MRAP2: variants seen among roughly 807,000 people sequenced by gnomAD.
MRAP2 encodes the protein melanocortin-2 receptor accessory protein 2.
A neutral mutation model predicts 17.4 loss-of-function variants in MRAP2; 20 were observed. The observed-to-expected ratio is 1.15, with a 90% CI of 0.81 to 1.67. MRAP2 has a LOEUF of 1.67. MRAP2 is among the 40% of genes most tolerant of loss of function. MRAP2 has a pLI of 0.00. For missense variants in MRAP2, 238 were observed against 240.0 expected (o/e 0.99, Z 0.05); for synonymous variants, 96 against 88.4 (o/e 1.09, Z -0.48).
chr6:84,095,102 A>G (rs2099502445), downstream of MRAP2, among the ~76,000 whole-genome samples: 1 of 152,206 alleles, frequency 6.6e-6, no homozygotes. Context: ...TGGAGAAGCA[A>G]GGGCTCAAGG....
downstream of MRAP2, among the ~76,000 whole-genome samples, chr6:84,093,428 T>G (rs2099502126): frequency 6.6e-6 from 1 of 152,054 alleles, no homozygotes; most frequent in Non-Finnish European, 1.5e-5. Flanking sequence ...GACCCTAAAA[T>G]GAGGGTTCTA....
At chr6:84,137,242 G>T in the MRAP2 span, among the ~76,000 whole-genome samples, 4 of 152,138 alleles carry the variant, frequency 2.6e-5, no homozygotes, top group Non-Finnish European at 5.9e-5. Context: ...CTGTTTCCTG[G>T]CCTGTATCCA....
At chr6:84,054,544 C>A (rs1489555947) in intron 1 of MRAP2, among the ~76,000 whole-genome samples, 2 of 152,184 alleles carry the variant, frequency 1.3e-5, no homozygotes, top group African/African-American at 4.8e-5. Context: ...TTTCTTTATT[C>A]ACTCCATTTT....
At chr6:84,087,865 T>C (rs2099500889) in intron 3 of MRAP2, among the ~76,000 whole-genome samples, 1 of 152,194 alleles carries the variant, frequency 6.6e-6, no homozygotes, top group African/African-American at 2.4e-5. Context: ...AGGAGACAGA[T>C]CTGATATTAA....
chr6:84,144,752 G>C, the MRAP2 span, among the ~76,000 whole-genome samples: 1 of 152,078 alleles, frequency 6.6e-6, no homozygotes, highest in African/African-American at 2.4e-5. Flanking sequence ...ATTCTTTTTA[G>C]GGACTGTCTG....
the MRAP2 span, among the ~76,000 whole-genome samples, chr6:84,145,748 G>C: frequency 1.3e-5 from 2 of 152,068 alleles, no homozygotes; most frequent in African/African-American, 4.8e-5. Context: ...AAACTGCAGA[G>C]AGTCACCACA....
chr6:84,097,126 C>T, the MRAP2 span, among the ~76,000 whole-genome samples: 1 of 152,170 alleles, frequency 6.6e-6, no homozygotes, highest in Non-Finnish European at 1.5e-5. Flanking sequence ...AGCCACAGTC[C>T]TTATGATGAC....
chr6:84,069,614 A>T (rs1280193463), intron 3 of MRAP2, among the ~76,000 whole-genome samples: 1 of 152,166 alleles, frequency 6.6e-6, no homozygotes, highest in Non-Finnish European at 1.5e-5. Flanking sequence ...TCATAGAATA[A>T]ATTAAGGAGG....
At chr6:84,102,219 C>T in the MRAP2 span, among the ~76,000 whole-genome samples, 1 of 152,104 alleles carries the variant, frequency 6.6e-6, no homozygotes, top group African/African-American at 2.4e-5. Context: ...AATAATGCTA[C>T]CCACCACTCA....
chr6:84,135,708 C>T, the MRAP2 span, among the ~76,000 whole-genome samples: 12 of 152,046 alleles, frequency 7.9e-5, no homozygotes, highest in Non-Finnish European at 1.8e-4. Context: ...ACTAAAAACA[C>T]AAAAATTAGC....
chr6:84,112,795 A>G, the MRAP2 span, among the ~76,000 whole-genome samples: 4,300 of 152,184 alleles, frequency 0.028, 196 homozygotes, highest in African/African-American at 0.097. Context: ...ATTCTGGTAC[A>G]TCATGTCTTT....
chr6:84,033,569 C>G (rs1253358326), upstream of MRAP2: 1 of 608,992 alleles, frequency 1.6e-6, no homozygotes, highest in Non-Finnish European at 2.1e-6. Context: ...GACTCAGGCT[C>G]TGACCCGGAC....
chr6:84,034,128 C>A (rs2099485307), intron 1 of MRAP2, among the ~76,000 whole-genome samples: 1 of 152,000 alleles, frequency 6.6e-6, no homozygotes, highest in Non-Finnish European at 1.5e-5. Context: ...TGCGTGTGGA[C>A]GCCGCTGGGC....
intron 1 of MRAP2, among the ~76,000 whole-genome samples, chr6:84,049,680 T>C (rs1312601009): frequency 6.6e-6 from 1 of 152,218 alleles, no homozygotes; most frequent in African/African-American, 2.4e-5. Context: ...TTTTGGAAGT[T>C]GATCTTCTAT....
chr6:84,124,253 C>T, the MRAP2 span: 1 of 151,998 alleles, frequency 6.6e-6, no homozygotes, highest in Non-Finnish European at 1.5e-5. Context: ...AAAAAGATAT[C>T]TGTACATGTA....
the MRAP2 span, among the ~76,000 whole-genome samples, chr6:84,142,775 G>A: frequency 3.3e-5 from 5 of 152,034 alleles, no homozygotes; most frequent in Non-Finnish European, 5.9e-5. Flanking sequence ...CAAATCAAAC[G>A]TGCAAGTCGA....
intron 3 of MRAP2, among the ~76,000 whole-genome samples, chr6:84,076,422 C>T (rs956977666): frequency 1.3e-5 from 2 of 152,012 alleles, no homozygotes; most frequent in Non-Finnish European, 2.9e-5. Flanking sequence ...TGGGGTTTCT[C>T]CATGTTGGCC....
Position 84,089,692 on chromosome 6 carries a change from T to G in MRAP2, c.*211T>G, listed in dbSNP as rs965968601. On this transcript the variant is annotated 3_prime_UTR_variant, in exon 4 of 4. Coordinates refer to ENST00000257776, the MANE Select transcript of MRAP2 (RefSeq NM_138409.4). ...GTTTTGTTTTTGCTTTTTAATACAT[T>G]TGGAGCTTTGGGAGTATTAAAGTAT... The G allele has an allele frequency of 1.8e-6, 1 of 554,286 alleles. No individual in the cohort carries two copies. The highest frequency in any genetic ancestry group is 3.1e-6 in the Non-Finnish European group (1 of 325,746). 34.3% of individuals were successfully genotyped at this position (554,286 alleles called of 1,614,324 possible).
chr6:84,076,451 T>G (rs2099497648), intron 3 of MRAP2, among the ~76,000 whole-genome samples: 1 of 152,040 alleles, frequency 6.6e-6, no homozygotes, highest in South Asian at 2.1e-4. Context: ...CTGGAACTCC[T>G]ACCCTCAGGT....
Sources: gnomAD v4.1 joint callset for allele counts (sites outside exome capture counted in the v4.1 genomes callset) on GRCh38, gnomAD v4.1.1 for gene constraint, MANE v1.5 for transcripts, NCBI Gene and HGNC (gene_info 2026-07-23, HGNC 2026-07-21) for gene names.